RYR2: variants seen among roughly 807,000 people sequenced by gnomAD.
RYR2 encodes the protein ryanodine receptor 2, also known as cardiac muscle ryanodine receptor-calcium release channel.
In RYR2, 227 loss-of-function variants were observed where a neutral mutation model predicts 601.1. The ratio of observed to expected loss-of-function variants is 0.38; its 90% CI spans 0.34 to 0.42. The LOEUF (loss-of-function observed/expected upper bound fraction) is 0.42. Ranked by LOEUF, RYR2 falls within the 10% of genes least tolerant of loss-of-function variation. RYR2 has a pLI of 1.00. For synonymous variants in RYR2, 2,223 were observed against 2,175.1 expected (o/e 1.02, Z -0.61); for missense variants, 4,646 against 6,156.5 (o/e 0.75, Z 8.21).
chr1:237,276,975 AGG>A (rs1307960265), intron 2 of RYR2, among the ~76,000 whole-genome samples: 2 of 152,168 alleles, frequency 1.3e-5, no homozygotes, highest in Non-Finnish European at 2.9e-5. Context: ...TTTTTTGCAA[AGG>A]TAATTTATAG....
At chr1:237,752,325 G>GT (rs926832421) in intron 80 of RYR2, among the ~76,000 whole-genome samples, 14 of 152,176 alleles carry the variant, frequency 9.2e-5, no homozygotes, top group Admixed American at 2.6e-4. Flanking sequence ...GCTATTTTTA[G>GT]TTTTTTGTAG....
chr1:237,141,597 G>A (rs1673396061), intron 1 of RYR2, among the ~76,000 whole-genome samples: 1 of 152,134 alleles, frequency 6.6e-6, no homozygotes, highest in Non-Finnish European at 1.5e-5. Flanking sequence ...AGAGACCAAG[G>A]AATGACTCAA....
At chr1:237,537,704 C>G (rs1056268747) in intron 25 of RYR2, among the ~76,000 whole-genome samples, 11 of 152,016 alleles carry the variant, frequency 7.2e-5, no homozygotes, top group African/African-American at 2.7e-4. Flanking sequence ...AAGGACAAAT[C>G]TCAAAAATAC....
chr1:237,727,237 A>G, intron 76 of RYR2, 38 bp downstream of exon 76: 1 of 994,052 alleles, frequency 1.0e-6, no homozygotes, highest in Middle Eastern at 2.2e-4. Context: ...GATCAATGTT[A>G]TTTTTTCCTA....
intron 12 of RYR2, among the ~76,000 whole-genome samples, chr1:237,431,397 C>T (rs774888161): frequency 1.3e-5 from 2 of 152,042 alleles, no homozygotes; most frequent in Non-Finnish European, 2.9e-5. Context: ...GAAACAACCT[C>T]TTGTGTGTAT....
intron 34 of RYR2, among the ~76,000 whole-genome samples, chr1:237,600,712 A>G (rs1676407105): frequency 6.6e-6 from 1 of 152,206 alleles, no homozygotes; most frequent in Non-Finnish European, 1.5e-5. Flanking sequence ...CTGATAAGGG[A>G]TCAATATCCA....
chr1:237,694,873 T>G (rs2149002205), intron 63 of RYR2, among the ~76,000 whole-genome samples: 1 of 152,300 alleles, frequency 6.6e-6, no homozygotes, highest in Non-Finnish European at 1.5e-5. Context: ...CTCATAATTG[T>G]GAGAGAAATT....
intron 35 of RYR2, among the ~76,000 whole-genome samples, chr1:237,604,112 A>G (rs1000944746): frequency 6.6e-6 from 1 of 152,120 alleles, no homozygotes; most frequent in African/African-American, 2.4e-5. Context: ...AAATCAACAG[A>G]ATATACATTC....
chr1:237,229,793 C>T (rs749522996), intron 1 of RYR2, among the ~76,000 whole-genome samples: 5 of 152,080 alleles, frequency 3.3e-5, no homozygotes, highest in Non-Finnish European at 7.3e-5. Flanking sequence ...TGAAGTATAT[C>T]GTGCCCTTAC....
chr1:237,496,464 A>C, intron 19 of RYR2, 47 bp from the exon 20 acceptor site: 1 of 1,597,256 alleles, frequency 6.3e-7, no homozygotes, highest in Non-Finnish European at 8.6e-7. Context: ...AAAACAATGA[A>C]AGGTTTTTTT....
intron 29 of RYR2, among the ~76,000 whole-genome samples, chr1:237,584,268 G>A (rs1674257370): frequency 6.6e-6 from 1 of 152,160 alleles, no homozygotes; most frequent in South Asian, 2.1e-4. Context: ...TTGAACCCCA[G>A]TTATGTTTAG....
intron 71 of RYR2, 25 bp from the exon 72 acceptor site, chr1:237,717,173 C>G: frequency 1.9e-6 from 3 of 1,609,518 alleles, no homozygotes; most frequent in Non-Finnish European, 2.5e-6. Flanking sequence ...AGGTTCAGAT[C>G]CCAGCACTTC....
rs1438915300 is a variant in RYR2 at position 237,452,593 on chromosome 1, C to T, written c.1293-1798C>T. On this transcript the variant is annotated intron_variant, in intron 14 of 104. Coordinates refer to ENST00000366574, the MANE Select transcript of RYR2 (RefSeq NM_001035.3). ...CACTATATATGTTTTCATTTTTCTT[C>T]TGGATATATTAATAAATATATTCTT... Among the ~76,000 whole-genome samples the T allele has an allele frequency of 2.7e-5, 4 of 147,486 alleles. No individual in the cohort carries two copies. The South Asian group carries it at 6.4e-4, about 23-fold the overall frequency.
At chr1:237,374,446 C>G (rs1472396866) in intron 6 of RYR2, among the ~76,000 whole-genome samples, 2 of 152,014 alleles carry the variant, frequency 1.3e-5, no homozygotes, top group Non-Finnish European at 2.9e-5. Flanking sequence ...TCACTTGAGT[C>G]TAGGAGTTCA....
chr1:237,406,458 C>G (rs186829698), intron 10 of RYR2, among the ~76,000 whole-genome samples: 45 of 151,052 alleles, frequency 3.0e-4, no homozygotes, highest in Non-Finnish European at 5.9e-4. Flanking sequence ...GTTGTTTTTA[C>G]GAAAGAATAG....
At chr1:237,623,193 G>A (rs944145299) in intron 38 of RYR2, among the ~76,000 whole-genome samples, 1 of 152,252 alleles carries the variant, frequency 6.6e-6, no homozygotes, top group South Asian at 2.1e-4. Context: ...ACTTGAGAAA[G>A]AGGAAGAAAC....
rs370332700 is a variant in RYR2 at position 237,602,096 on chromosome 1, G to A, written c.4668G>A (p.Glu1556=). 2.5e-5 allele frequency: 41 copies of A among 1,612,324 alleles called. No individual in the cohort carries two copies. The highest frequency in any genetic ancestry group is 3.1e-5 in the Non-Finnish European group (37 of 1,179,102). ...CAAGTCCCAATGTTTTCCAGTTTGA[G>A]TTGGGAAGAATAAAGGTAATAAAAC... is the stretch of plus-strand genomic sequence containing the variant. ...QATSPNVFQF[E]LGRIKNVMPL... The change falls in exon 35 of 105, where the codon GAG becomes GAA. Residue 1556 remains glutamate (E), a synonymous_variant. Coordinates refer to ENST00000366574, the MANE Select transcript of RYR2 (RefSeq NM_001035.3).
At chr1:237,195,900 T>A (rs1004217167) in intron 1 of RYR2, among the ~76,000 whole-genome samples, 1 of 152,218 alleles carries the variant, frequency 6.6e-6, no homozygotes, top group Non-Finnish European at 1.5e-5. Flanking sequence ...TGTTGAATTG[T>A]GAATATTAAT....
intron 17 of RYR2, 48 bp from the exon 18 acceptor site, chr1:237,491,758 A>G (rs1663369754): frequency 3.5e-6 from 3 of 860,282 alleles, no homozygotes; most frequent in Non-Finnish European, 5.7e-6. Flanking sequence ...GTCATTGTAC[A>G]CCAATTAATC....
Sources: allele counts gnomAD v4.1 joint callset (sites outside exome capture counted in the v4.1 genomes callset), GRCh38; gene constraint gnomAD v4.1.1; transcripts MANE v1.5; gene names NCBI Gene and HGNC (gene_info 2026-07-23, HGNC 2026-07-21).